The following FGGY variants were observed in gnomAD, a reference collection of about 807,000 sequenced individuals.
FGGY encodes the protein FGGY carbohydrate kinase domain-containing protein.
Under a neutral mutation model 71.3 loss-of-function variants are expected in FGGY, and 72 were observed. The ratio of observed to expected loss-of-function variants is 1.01; its 90% confidence interval spans 0.84 to 1.23. FGGY has a LOEUF of 1.23. Ranked by LOEUF, FGGY falls within the 50% of genes most tolerant of loss-of-function variation. The probability of loss-of-function intolerance (pLI) is 0.00; values close to 1 mark genes in which losing one functional copy is unlikely to be tolerated. For synonymous variants in FGGY, 251 were observed against 250.3 expected (o/e 1.00, Z -0.02); for missense variants, 668 against 682.3 (o/e 0.98, Z 0.23).
At chr1:59,639,784 A>T (rs1179521873) in intron 11 of FGGY, among the ~76,000 whole-genome samples, 2 of 152,196 alleles carry the variant, frequency 1.3e-5, no homozygotes, top group Non-Finnish European at 2.9e-5. Context: ...CTTTAGATAA[A>T]ACTGACCTAG....
At chr1:59,376,133 A>ACC (rs2058625743) in intron 4 of FGGY, among the ~76,000 whole-genome samples, 1 of 152,172 alleles carries the variant, frequency 6.6e-6, no homozygotes, top group African/African-American at 2.4e-5. Context: ...CTCAAAGGCT[A>ACC]CCATTTTCTG....
intron 1 of FGGY, among the ~76,000 whole-genome samples, chr1:59,312,751 G>A (rs990665845): frequency 6.6e-6 from 1 of 152,146 alleles, no homozygotes; most frequent in African/African-American, 2.4e-5. Context: ...ACTGCTGTTG[G>A]ACATTACCTG....
At chr1:59,307,125 G>T (rs1043423614) in intron 1 of FGGY, among the ~76,000 whole-genome samples, 5 of 151,786 alleles carry the variant, frequency 3.3e-5, no homozygotes, top group Non-Finnish European at 7.4e-5. Flanking sequence ...GACCAGCCTG[G>T]CCAACATGGC....
At chr1:59,720,500 A>G (rs2097881536) in intron 14 of FGGY, among the ~76,000 whole-genome samples, 1 of 152,238 alleles carries the variant, frequency 6.6e-6, no homozygotes, top group Non-Finnish European at 1.5e-5. Flanking sequence ...TTATCTAAAG[A>G]TTTCAGGCAT....
intron 14 of FGGY, among the ~76,000 whole-genome samples, chr1:59,719,948 C>T (rs927758332): frequency 2.0e-5 from 3 of 152,138 alleles, no homozygotes; most frequent in Non-Finnish European, 4.4e-5. Flanking sequence ...ATTGAGAGAT[C>T]GACAATTTAC....
At chr1:59,501,973 CT>C (rs1180947380) in intron 6 of FGGY, among the ~76,000 whole-genome samples, 1 of 152,220 alleles carries the variant, frequency 6.6e-6, no homozygotes, top group African/African-American at 2.4e-5. Context: ...TTTTATCTGA[CT>C]TTTGTCTAGC....
chr1:59,548,828 G>A (rs774446425), intron 7 of FGGY, among the ~76,000 whole-genome samples: 1 of 152,074 alleles, frequency 6.6e-6, no homozygotes, highest in Non-Finnish European at 1.5e-5. Flanking sequence ...GCTCTTATTA[G>A]CACTGTTATG....
At chr1:59,669,257 G>A (rs1226991252) in intron 13 of FGGY, among the ~76,000 whole-genome samples, 1 of 152,064 alleles carries the variant, frequency 6.6e-6, no homozygotes, top group Non-Finnish European at 1.5e-5. Context: ...ACTGTGGTGT[G>A]TCGGGGCCCA....
At chr1:59,381,845 A>C (rs1475637896) in intron 5 of FGGY, among the ~76,000 whole-genome samples, 1 of 152,240 alleles carries the variant, frequency 6.6e-6, no homozygotes, top group Non-Finnish European at 1.5e-5. Context: ...ATGAATGTTA[A>C]AAATAGAGCA....
At chr1:59,521,670 C>T (rs1363911910) in intron 7 of FGGY, among the ~76,000 whole-genome samples, 1 of 152,160 alleles carries the variant, frequency 6.6e-6, no homozygotes, top group East Asian at 1.9e-4. Context: ...GAGGCCCAGA[C>T]AATGGTGAAT....
intron 6 of FGGY, among the ~76,000 whole-genome samples, chr1:59,480,710 C>G (rs1005660098): frequency 2.0e-5 from 3 of 152,128 alleles, no homozygotes; most frequent in Non-Finnish European, 2.9e-5. Context: ...ACAGAAGTGA[C>G]AGCATGAATA....
intron 7 of FGGY, among the ~76,000 whole-genome samples, chr1:59,547,961 A>G (rs144992399): frequency 6.6e-6 from 1 of 152,324 alleles, no homozygotes; most frequent in East Asian, 1.9e-4. Flanking sequence ...CAGTGTGAAG[A>G]CTTGCCCTGG....
intron 7 of FGGY, among the ~76,000 whole-genome samples, chr1:59,545,942 T>C (rs2095513154): frequency 6.6e-6 from 1 of 152,220 alleles, no homozygotes; most frequent in South Asian, 2.1e-4. Context: ...ATTTTCCTTA[T>C]TCCTTTGGGC....
At chr1:59,747,647 G>A (rs966039231) in intron 14 of FGGY, among the ~76,000 whole-genome samples, 5 of 152,178 alleles carry the variant, frequency 3.3e-5, no homozygotes, top group African/African-American at 1.2e-4. Flanking sequence ...CCCAGGGAGG[G>A]GAAGGGTCTT....
chr1:59,639,361 A>G (rs2096994924), intron 11 of FGGY, among the ~76,000 whole-genome samples: 2 of 152,218 alleles, frequency 1.3e-5, no homozygotes, highest in Admixed American at 6.5e-5. Context: ...GACATGATCA[A>G]CTTCTATTAC....
chr1:59,340,012 A>G lies in FGGY; in HGVS notation c.256A>G (p.Thr86Ala). Residue 86 changes from threonine (T) to alanine (A), a missense_variant, in exon 3 of 16, where the codon ACG becomes GCG. Physicochemically the swap from Thr to Ala is moderately conservative, Grantham distance 58. This residue lies in a region of FGGY where 661 missense variants were observed against 661.6 expected (regional missense o/e 1.00). Transcript: ENST00000303721. ...AATTCGAGGACTTGGGTTTGATGCCACGTGTTCTCTGGTTGTTTTGGATAA... is the reference window on the plus strand; with the variant it reads ...AATTCGAGGACTTGGGTTTGATGCCGCGTGTTCTCTGGTTGTTTTGGATAA... ...NQIRGLGFDA[T>A]CSLVVLDKQF... 6.2e-7 allele frequency: 1 copy of G among 1,613,464 alleles called. No individual in the cohort carries two copies. The highest frequency in any genetic ancestry group is 8.5e-7 in the Non-Finnish European group (1 of 1,179,640).
chr1:59,477,707 C>T (rs1038993385), intron 6 of FGGY, among the ~76,000 whole-genome samples: 3 of 152,122 alleles, frequency 2.0e-5, no homozygotes, highest in East Asian at 1.9e-4. Context: ...TAATTTTCCC[C>T]CCACTGCCCT....
At chr1:59,468,762 C>A (rs1374301195) in intron 6 of FGGY, among the ~76,000 whole-genome samples, 1 of 151,132 alleles carries the variant, frequency 6.6e-6, no homozygotes, top group Non-Finnish European at 1.5e-5. Context: ...GTCCCAGCTA[C>A]TTGGGAGGCT....
At chr1:59,693,524 GGTA>G (rs1244925650) in intron 14 of FGGY, among the ~76,000 whole-genome samples, 3 of 152,182 alleles carry the variant, frequency 2.0e-5, no homozygotes, top group Non-Finnish European at 4.4e-5. Flanking sequence ...TGGTGGTAAT[GGTA>G]GTGGTGGTGG....
Sources: gnomAD v4.1 joint callset for allele counts (sites outside exome capture counted in the v4.1 genomes callset) on GRCh38, gnomAD v4.1.1 for gene constraint, gnomAD v4.1.1 regional missense constraint, MANE v1.5 for transcripts, NCBI Gene and HGNC (gene_info 2026-07-23, HGNC 2026-07-21) for gene names.